ACTR3C: variants seen among roughly 807,000 people sequenced by gnomAD.
The protein encoded by ACTR3C is actin-related protein 3C.
Under a neutral mutation model 26.3 loss-of-function variants are expected in ACTR3C, and 18 were observed. That is an observed-to-expected ratio of 0.68 (90% CI 0.47 to 1.01). The LOEUF is 1.01. ACTR3C is among the 50% of genes least tolerant of loss of function. The pLI, the probability that ACTR3C is intolerant of heterozygous loss-of-function variation, is 0.00. For missense variants in ACTR3C, 184 were observed against 250.7 expected (o/e 0.73, Z 1.80); for synonymous variants, 55 against 94.5 (o/e 0.58, Z 2.42).
chr7:150,158,974 C>CAGGCACACAT, the ACTR3C span, among the ~76,000 whole-genome samples: 2 of 151,568 alleles, frequency 1.3e-5, no homozygotes, highest in African/African-American at 4.9e-5. Context: ...TGCGCACACA[C>CAGGCACACAT]AGGCACGCAC....
chr7:149,935,417 T>TG, the ACTR3C span, among the ~76,000 whole-genome samples: 7 of 118,278 alleles, frequency 5.9e-5, no homozygotes, highest in African/African-American at 9.1e-5. Context: ...TGTTTTGTTT[T>TG]TGAGATGGAG....
chr7:150,197,862 C>G, the ACTR3C span, among the ~76,000 whole-genome samples: 1 of 148,924 alleles, frequency 6.7e-6, no homozygotes, highest in Admixed American at 6.7e-5. Flanking sequence ...CCCCTCTCCC[C>G]TCTCCCCTCT....
the ACTR3C span, among the ~76,000 whole-genome samples, chr7:150,196,949 A>G: frequency 6.6e-6 from 1 of 152,232 alleles, no homozygotes; most frequent in Non-Finnish European, 1.5e-5. Context: ...TTCTGAGCCT[A>G]GAATATATTA....
At chr7:149,956,465 C>T in the ACTR3C span, among the ~76,000 whole-genome samples, 1 of 152,136 alleles carries the variant, frequency 6.6e-6, no homozygotes, top group African/African-American at 2.4e-5. Flanking sequence ...AGAGAAGCTC[C>T]ATGGTTTTCT....
At chr7:150,067,824 G>A in the ACTR3C span, among the ~76,000 whole-genome samples, 2 of 147,320 alleles carry the variant, frequency 1.4e-5, no homozygotes, top group African/African-American at 5.1e-5. Context: ...GGGGTCGGGG[G>A]GAGGGTGCGG....
chr7:150,118,767 C>A, the ACTR3C span, among the ~76,000 whole-genome samples: 2 of 140,990 alleles, frequency 1.4e-5, no homozygotes, highest in Non-Finnish European at 3.1e-5. Flanking sequence ...AAGGGCAACC[C>A]CAAGATACAT....
At chr7:150,316,202 A>T (rs1397184463) in intron 1 of ACTR3C, among the ~76,000 whole-genome samples, 2 of 152,176 alleles carry the variant, frequency 1.3e-5, no homozygotes, top group Non-Finnish European at 2.9e-5. Flanking sequence ...TGTCTCAAAA[A>T]ACAAACAAAC....
the ACTR3C span, among the ~76,000 whole-genome samples, chr7:150,035,988 C>G: frequency 4.6e-5 from 6 of 131,134 alleles, 1 homozygote; most frequent in African/African-American, 6.5e-5. Flanking sequence ...CAGTCCCTGC[C>G]TCGCGGGGGG....
At chr7:150,057,300 G>A in the ACTR3C span, among the ~76,000 whole-genome samples, 1 of 107,076 alleles carries the variant, frequency 9.3e-6, no homozygotes, top group Non-Finnish European at 1.8e-5. Flanking sequence ...TTTTTTTTGA[G>A]ATGGAGTTTC....
intron 6 of ACTR3C, among the ~76,000 whole-genome samples, chr7:150,252,185 A>G (rs1157490580): frequency 6.6e-6 from 1 of 152,118 alleles, no homozygotes; most frequent in Non-Finnish European, 1.5e-5. Flanking sequence ...AAGAAAATAC[A>G]TACACTAATT....
the ACTR3C span, among the ~76,000 whole-genome samples, chr7:150,048,892 C>T: frequency 2.0e-5 from 3 of 152,006 alleles, no homozygotes; most frequent in African/African-American, 4.8e-5. Context: ...GGTCGCGGGG[C>T]GGCAGAGGAC....
chr7:150,227,581 T>C, the ACTR3C span, among the ~76,000 whole-genome samples: 3 of 151,698 alleles, frequency 2.0e-5, no homozygotes, highest in African/African-American at 7.3e-5. Flanking sequence ...AAACCCTAGA[T>C]TTTCTCTTAT....
chr7:150,082,942 T>C, the ACTR3C span, among the ~76,000 whole-genome samples: 2 of 98,494 alleles, frequency 2.0e-5, no homozygotes, highest in East Asian at 3.7e-4. Context: ...TTCTTTTTTT[T>C]TTTTCTTTTT....
intron 6 of ACTR3C, among the ~76,000 whole-genome samples, chr7:150,276,119 C>T (rs2129611413): frequency 6.6e-6 from 1 of 152,210 alleles, no homozygotes; most frequent in East Asian, 1.9e-4. Context: ...ATTATAAACG[C>T]CACACGTAAC....
At chr7:150,066,081 C>A in the ACTR3C span, among the ~76,000 whole-genome samples, 8 of 152,116 alleles carry the variant, frequency 5.3e-5, no homozygotes, top group African/African-American at 1.2e-4. Context: ...TTGTCGAGCT[C>A]CAAAACAAAT....
At chr7:150,186,856 AG>A in the ACTR3C span, among the ~76,000 whole-genome samples, 1 of 152,164 alleles carries the variant, frequency 6.6e-6, no homozygotes, top group Non-Finnish European at 1.5e-5. Flanking sequence ...GCTTTCATAA[AG>A]TTGATATCAA....
the ACTR3C span, among the ~76,000 whole-genome samples, chr7:150,174,250 G>A: frequency 9.4e-4 from 131 of 139,336 alleles, 8 homozygotes; most frequent in East Asian, 0.022. Flanking sequence ...CATGGCTGGC[G>A]GGAGGCCTCA....
At chr7:149,901,311 T>G in the ACTR3C span, among the ~76,000 whole-genome samples, 1 of 150,688 alleles carries the variant, frequency 6.6e-6, no homozygotes, top group Non-Finnish European at 1.5e-5. Context: ...AGAATTACAA[T>G]GACATAGAAC....
intron 1 of ACTR3C, among the ~76,000 whole-genome samples, chr7:150,316,903 A>G (rs1373490876): frequency 1.3e-5 from 2 of 152,100 alleles, no homozygotes. Context: ...CCTGAACATG[A>G]TAAGCTTTTC....
Sources: allele counts gnomAD v4.1 joint callset (sites outside exome capture counted in the v4.1 genomes callset), GRCh38; gene constraint gnomAD v4.1.1; transcripts MANE v1.5; gene names NCBI Gene and HGNC (gene_info 2026-07-23, HGNC 2026-07-21).